RHOA: variants seen among roughly 807,000 people sequenced by gnomAD.
The protein encoded by RHOA is transforming protein RhoA.
A neutral mutation model predicts 17.5 loss-of-function variants in RHOA; 3 were observed. The ratio of observed to expected loss-of-function variants is 0.17; its 90% CI spans 0.08 to 0.44. The LOEUF (loss-of-function observed/expected upper bound fraction) is 0.44. Among genes scored for constraint, RHOA ranks in the 20% least tolerant of loss-of-function variants. The probability of loss-of-function intolerance (pLI) is 0.99; values close to 1 mark genes in which losing one functional copy is unlikely to be tolerated. For missense variants in RHOA, 56 were observed against 242.3 expected, an observed-to-expected ratio of 0.23 and a Z score of 5.10; for synonymous variants, 98 against 88.4, an observed-to-expected ratio of 1.11 and a Z score of -0.61.
At chr3:49,396,103 G>T (rs1163734360) in intron 1 of RHOA, among the ~76,000 whole-genome samples, 6 of 152,128 alleles carry the variant, frequency 3.9e-5, no homozygotes, top group Non-Finnish European at 7.4e-5. Flanking sequence ...AAGAAAAAAG[G>T]AAGAACACAT....
chr3:49,387,461 A>AG (rs397746094), intron 1 of RHOA, among the ~76,000 whole-genome samples: 1 of 138,908 alleles, frequency 7.2e-6, no homozygotes, highest in Non-Finnish European at 1.6e-5. Flanking sequence ...AAAAAAAAAA[A>AG]GGGTCGGGCG....
At chr3:49,397,897 C>T (rs2048644935) in intron 1 of RHOA, among the ~76,000 whole-genome samples, 1 of 152,122 alleles carries the variant, frequency 6.6e-6, no homozygotes, top group Admixed American at 6.6e-5. Flanking sequence ...GGACATGGTG[C>T]TATATTATCC....
In RHOA at chr3:49,402,841, G is replaced by T. The variant is rs188113191; in HGVS notation, c.-3+8979C>A. On this transcript the variant is annotated intron_variant, in intron 1 of 4. Coordinates refer to ENST00000418115, the MANE Select transcript of RHOA (RefSeq NM_001664.4). ...TCACAAGGTCAGGCCTTTGAGACCA[G>T]CCTGGCCAACATGGCGAAACCCCGT... Among the ~76,000 whole-genome samples, 7 of 152,056 alleles carry T rather than the reference G, an allele frequency of 4.6e-5. No homozygotes were observed. The East Asian group carries it at 1.4e-3, about 29-fold the overall frequency.
At chr3:49,404,108 C>G (rs916135750) in intron 1 of RHOA, among the ~76,000 whole-genome samples, 4 of 104,678 alleles carry the variant, frequency 3.8e-5, no homozygotes, top group African/African-American at 1.2e-4. Flanking sequence ...GAGACCCAAC[C>G]TGGGCAAGAC....
intron 1 of RHOA, among the ~76,000 whole-genome samples, chr3:49,409,089 G>A (rs1012472573): frequency 6.8e-6 from 1 of 146,972 alleles, no homozygotes; most frequent in Non-Finnish European, 1.5e-5. Context: ...CGCCCTGCCA[G>A]GATCCTTTTA....
chr3:49,400,173 C>T (rs927176379), intron 1 of RHOA, among the ~76,000 whole-genome samples: 20 of 149,220 alleles, frequency 1.3e-4, no homozygotes, highest in Non-Finnish European at 2.8e-4. Context: ...GACCGCGCCA[C>T]TGCACTCCAG....
chr3:49,384,520 T>C (rs2048366458), intron 1 of RHOA, among the ~76,000 whole-genome samples: 1 of 152,054 alleles, frequency 6.6e-6, no homozygotes, highest in African/African-American at 2.4e-5. Flanking sequence ...TTTAATTTTT[T>C]TTTTTTGAGA....
intron 2 of RHOA, among the ~76,000 whole-genome samples, chr3:49,371,414 G>A (rs2048146010): frequency 6.6e-6 from 1 of 151,896 alleles, no homozygotes; most frequent in Admixed American, 6.6e-5. Flanking sequence ...CAAGTAGCTG[G>A]GATTACAAGT....
In RHOA at chr3:49,383,015, T is replaced by C. The variant is rs143263364; in HGVS notation, c.-2-7424A>G. On this transcript the variant is annotated intron_variant, in intron 1 of 4. Coordinates refer to ENST00000418115, the MANE Select transcript of RHOA (RefSeq NM_001664.4). ...GTTGCAGTGAGCCGAGTTAGCGCCA[T>C]TGCACTCCAGCCTGGGCGACAAGAG... Among the ~76,000 whole-genome samples, 89 of 149,842 alleles carry C rather than the reference T, an allele frequency of 5.9e-4. No individual in the cohort carries two copies. The East Asian group carries it at 0.013, about 22-fold the overall frequency.
chr3:49,411,468 C>A (rs1309236910), intron 1 of RHOA, among the ~76,000 whole-genome samples: 2 of 152,228 alleles, frequency 1.3e-5, no homozygotes, highest in Non-Finnish European at 2.9e-5. Flanking sequence ...CTACACTGCG[C>A]GGTCGCGGGG....
intron 1 of RHOA, among the ~76,000 whole-genome samples, chr3:49,385,216 C>A (rs571627616): frequency 6.6e-6 from 1 of 151,098 alleles, no homozygotes; most frequent in East Asian, 1.9e-4. Flanking sequence ...CCATTGCCCC[C>A]CTACCTTTTT....
chr3:49,368,291 A>G, intron 3 of RHOA, 137 bp downstream of exon 3: 1 of 1,110,968 alleles, frequency 9.0e-7, no homozygotes, highest in Non-Finnish European at 1.3e-6. Flanking sequence ...CTACAATCCC[A>G]AACTCCAGGA....
chr3:49,385,889 T>C (rs1390827878), intron 1 of RHOA, among the ~76,000 whole-genome samples: 1 of 152,166 alleles, frequency 6.6e-6, no homozygotes, highest in Non-Finnish European at 1.5e-5. Flanking sequence ...AATCAACTAA[T>C]TAGCAACTGA....
Position 49,368,554 on chromosome 3 carries a change from A to C in RHOA, c.157-6T>G, listed in dbSNP as rs2107838945. ...TCCCACAAAGCCAACTCTACCTGTA[A>C]TGGGAAAAACAACCACAAGAGTGCA... On this transcript the variant is annotated splice_region_variant and splice_polypyrimidine_tract_variant and intron_variant, in intron 2 of 4. Coordinates refer to ENST00000418115, the MANE Select transcript of RHOA (RefSeq NM_001664.4). The C allele has an allele frequency of 6.2e-7, 1 of 1,614,058 alleles. No individual in the cohort carries two copies. The highest frequency in any genetic ancestry group is 8.5e-7 in the Non-Finnish European group (1 of 1,179,978).
At chr3:49,366,306 T>A (rs1322713270) in intron 3 of RHOA, among the ~76,000 whole-genome samples, 1 of 152,114 alleles carries the variant, frequency 6.6e-6, no homozygotes, top group Non-Finnish European at 1.5e-5. Context: ...CATATTAGTT[T>A]GAAAACCAAA....
rs1322166405 is a variant in RHOA at position 49,371,280 on chromosome 3, TG to T, written c.157-2733del. Among the ~76,000 whole-genome samples, 138 of 151,236 alleles carry T rather than the reference TG, an allele frequency of 9.1e-4. 1 individual carries two copies. The Middle Eastern group carries it at 0.01, about 11-fold the overall frequency. ...TTCCCTAGGCTGTACTATTGCCTAC[TG>T]TTTTTTTTTTTTTTTGAGACAGAGT... On this transcript the variant is annotated intron_variant, in intron 2 of 4. Coordinates refer to ENST00000418115, the MANE Select transcript of RHOA (RefSeq NM_001664.4).
chr3:49,373,094 A>C (rs1390199967), intron 2 of RHOA: 3 of 157,074 alleles, frequency 1.9e-5, no homozygotes, highest in Non-Finnish European at 4.3e-5. Flanking sequence ...ATGTAATCCC[A>C]GCACTTTGGG....
chr3:49,388,171 T>G (rs2048432679), intron 1 of RHOA, among the ~76,000 whole-genome samples: 1 of 151,910 alleles, frequency 6.6e-6, no homozygotes. Context: ...CATTCCCGAC[T>G]AAATTTTTTT....
chr3:49,387,713 C>T (rs1447072054), intron 1 of RHOA, among the ~76,000 whole-genome samples: 15 of 136,440 alleles, frequency 1.1e-4, no homozygotes, highest in Admixed American at 7.8e-4. Context: ...CACCCCAGCC[C>T]GGGGGACAGA....
Sources: gnomAD v4.1 joint callset for allele counts (sites outside exome capture counted in the v4.1 genomes callset) on GRCh38, gnomAD v4.1.1 for gene constraint, MANE v1.5 for transcripts, NCBI Gene and HGNC (gene_info 2026-07-23, HGNC 2026-07-21) for gene names.